TYW1: variants seen among roughly 807,000 people sequenced by gnomAD.
The protein encoded by TYW1 is S-adenosyl-L-methionine-dependent tRNA 4-demethylwyosine synthase TYW1.
In TYW1, 46 loss-of-function variants were observed where a neutral mutation model predicts 96.2. That is an observed-to-expected ratio of 0.48 (90% confidence interval 0.38 to 0.61). The LOEUF (loss-of-function observed/expected upper bound fraction) is 0.61, where lower values mean the gene tolerates loss of function less well. Ranked by LOEUF, TYW1 falls within the 20% of genes least tolerant of loss-of-function variation. TYW1 has a pLI of 0.00. For synonymous variants in TYW1, 274 were observed against 323.0 expected, an observed-to-expected ratio of 0.85 and a Z score of 1.63; for missense variants, 684 against 909.6, an observed-to-expected ratio of 0.75 and a Z score of 3.19.
intron 15 of TYW1, among the ~76,000 whole-genome samples, chr7:67,213,025 C>G (rs1333800161): frequency 7.6e-6 from 1 of 131,640 alleles, no homozygotes; most frequent in Non-Finnish European, 1.7e-5. Flanking sequence ...ACAGGTGCCA[C>G]CACACCCAGC....
intron 11 of TYW1, among the ~76,000 whole-genome samples, chr7:67,085,641 A>G (rs1186938329): frequency 2.0e-5 from 3 of 152,190 alleles, no homozygotes; most frequent in African/African-American, 7.2e-5. Context: ...TCATGCAAAT[A>G]ATGGTTCAAG....
intron 9 of TYW1, among the ~76,000 whole-genome samples, chr7:67,064,955 G>T (rs1267285557): frequency 6.6e-6 from 1 of 152,212 alleles, no homozygotes; most frequent in East Asian, 1.9e-4. Context: ...ATGGATCACA[G>T]ACTTAAACAT....
At chr7:67,163,945 A>G (rs1436934561) in intron 13 of TYW1, among the ~76,000 whole-genome samples, 1 of 152,154 alleles carries the variant, frequency 6.6e-6, no homozygotes, top group African/African-American at 2.4e-5. Context: ...CTGGGATTAC[A>G]AGCGTAAACC....
chr7:67,123,030 G>A (rs754400103), intron 13 of TYW1, among the ~76,000 whole-genome samples: 41 of 152,162 alleles, frequency 2.7e-4, no homozygotes, highest in Non-Finnish European at 1.0e-4. Context: ...GTTTCTTGTA[G>A]TCAATGAAAT....
intron 6 of TYW1, among the ~76,000 whole-genome samples, chr7:67,022,088 T>C (rs781600597): frequency 2.4e-4 from 37 of 151,820 alleles, no homozygotes; most frequent in Non-Finnish European, 5.3e-4. Context: ...GTTTTTTTAA[T>C]TTTTTGTAGA....
At chr7:67,021,948 T>C (rs1584473392) in intron 6 of TYW1, among the ~76,000 whole-genome samples, 2 of 152,228 alleles carry the variant, frequency 1.3e-5, no homozygotes, top group Non-Finnish European at 2.9e-5. Context: ...CAGGGGCTGG[T>C]CTGTTCCCCA....
chr7:67,037,514 A>G (rs1373253226), intron 7 of TYW1, among the ~76,000 whole-genome samples: 1 of 151,916 alleles, frequency 6.6e-6, no homozygotes, highest in African/African-American at 2.4e-5. Flanking sequence ...CAAAAAAAAA[A>G]AAAAAAAAGA....
chr7:67,111,082 A>G (rs988150186), intron 12 of TYW1, among the ~76,000 whole-genome samples: 3 of 152,230 alleles, frequency 2.0e-5, no homozygotes, highest in African/African-American at 7.2e-5. Context: ...TGTGGCCTAT[A>G]CACATGAAAG....
intron 4 of TYW1, among the ~76,000 whole-genome samples, chr7:67,014,137 G>A (rs781117862): frequency 1.3e-5 from 2 of 152,262 alleles, no homozygotes; most frequent in South Asian, 2.1e-4. Flanking sequence ...GGCGTATATG[G>A]TGAAATATAC....
chr7:67,066,914 G>A (rs1013512691), intron 9 of TYW1, among the ~76,000 whole-genome samples: 1 of 152,150 alleles, frequency 6.6e-6, no homozygotes, highest in African/African-American at 2.4e-5. Context: ...TTCAGAGCAG[G>A]GATATGCTTG....
chr7:67,107,696 T>C (rs1177318724), intron 12 of TYW1, among the ~76,000 whole-genome samples: 1 of 152,076 alleles, frequency 6.6e-6, no homozygotes, highest in Non-Finnish European at 1.5e-5. Context: ...AAATATACTT[T>C]AAGGCAAAAC....
chr7:67,052,175 G>A (rs1466069256), intron 8 of TYW1, among the ~76,000 whole-genome samples: 1 of 151,954 alleles, frequency 6.6e-6, no homozygotes, highest in Non-Finnish European at 1.5e-5. Flanking sequence ...GAGTGTCTTG[G>A]TTTTGTGGAT....
At chr7:67,230,210 T>C (rs544461336) in intron 15 of TYW1, among the ~76,000 whole-genome samples, 2 of 151,890 alleles carry the variant, frequency 1.3e-5, no homozygotes, top group Non-Finnish European at 1.5e-5. Context: ...CTACAACATG[T>C]TTATTATGTG....
intron 13 of TYW1, among the ~76,000 whole-genome samples, chr7:67,140,768 A>G (rs1798425607): frequency 1.3e-5 from 2 of 152,234 alleles, no homozygotes; most frequent in African/African-American, 4.8e-5. Flanking sequence ...CCTGAGACAT[A>G]CATTCATGTG....
intron 13 of TYW1, among the ~76,000 whole-genome samples, chr7:67,135,322 T>TTTTTTTTTTA (rs1798216792): frequency 7.0e-6 from 1 of 142,864 alleles, no homozygotes; most frequent in African/African-American, 2.7e-5. Flanking sequence ...TTTTTTTTTT[T>TTTTTTTTTTA]GAGACAGTCT....
At chr7:67,172,412 C>T (rs1458136476) in intron 13 of TYW1, among the ~76,000 whole-genome samples, 25 of 147,802 alleles carry the variant, frequency 1.7e-4, no homozygotes, top group Admixed American at 2.7e-4. Flanking sequence ...TTTTTGAACC[C>T]CACATGACCT....
Position 67,025,097 on chromosome 7 carries a change from A to G in TYW1, c.984+75A>G. On this transcript the variant is annotated intron_variant, in intron 7 of 15. Transcript: ENST00000359626. ...ATTTAGTATTTCTTTATTACTGTGT[A>G]GTCCATCTGAGCTCACAGAGGAGTT... 1.9e-6 allele frequency: 3 copies of G among 1,565,698 alleles called. No homozygotes were observed. In the South Asian group the frequency reaches 3.6e-5, roughly 19 times the overall value.
chr7:67,189,378 G>A (rs1379374267), intron 14 of TYW1, among the ~76,000 whole-genome samples: 1 of 149,114 alleles, frequency 6.7e-6, no homozygotes, highest in African/African-American at 2.5e-5. Flanking sequence ...GTGCATGTAT[G>A]TGTGTTCATG....
intron 13 of TYW1, among the ~76,000 whole-genome samples, chr7:67,148,176 T>C (rs1798667070): frequency 6.6e-6 from 1 of 152,006 alleles, no homozygotes; most frequent in Non-Finnish European, 1.5e-5. Context: ...GACTTGAACA[T>C]GGACATGTAG....
Sources: gnomAD v4.1 joint callset for allele counts (sites outside exome capture counted in the v4.1 genomes callset) on GRCh38, gnomAD v4.1.1 for gene constraint, MANE v1.5 for transcripts, NCBI Gene and HGNC (gene_info 2026-07-23, HGNC 2026-07-21) for gene names.